GPR149: variants seen among roughly 807,000 people sequenced by gnomAD.
GPR149 encodes the protein G protein-coupled receptor 149, also known as probable G protein-coupled receptor 149.
A neutral mutation model predicts 50.2 loss-of-function variants in GPR149; 50 were observed. The ratio of observed to expected loss-of-function variants is 1.00; its 90% CI spans 0.79 to 1.26. The LOEUF (loss-of-function observed/expected upper bound fraction) is 1.26, where lower values mean the gene tolerates loss of function less well. Among genes scored for constraint, GPR149 ranks in the 50% most tolerant of loss-of-function variants. The probability of loss-of-function intolerance (pLI) is 0.00; values close to 1 mark genes in which losing one functional copy is unlikely to be tolerated. For synonymous variants in GPR149, 405 were observed against 358.2 expected (o/e 1.13, Z -1.48); for missense variants, 983 against 895.4 (o/e 1.10, Z -1.25).
intron 1 of GPR149, among the ~76,000 whole-genome samples, chr3:154,428,055 C>G (rs1028292582): frequency 2.6e-5 from 4 of 152,204 alleles, no homozygotes; most frequent in Non-Finnish European, 5.9e-5. Context: ...TTGTCGCCTC[C>G]CTGGACCCTC....
chr3:154,342,254 T>C (rs558336210), intron 3 of GPR149, among the ~76,000 whole-genome samples: 229 of 152,234 alleles, frequency 1.5e-3, no homozygotes, highest in Non-Finnish European at 2.6e-3. Context: ...TTGTAGTCTA[T>C]ATAAAACAAA....
intron 3 of GPR149, among the ~76,000 whole-genome samples, chr3:154,373,262 A>G (rs965057897): frequency 6.6e-6 from 1 of 152,176 alleles, no homozygotes; most frequent in African/African-American, 2.4e-5. Flanking sequence ...ACAGTGTCAA[A>G]TGCTGCTTAG....
At chr3:154,341,292 CATATATATATATATATATATATATATAT>C (rs373212063) in intron 3 of GPR149, among the ~76,000 whole-genome samples, 3,560 of 72,980 alleles carry the variant, frequency 0.049, 283 homozygotes, top group African/African-American at 0.13. Context: ...AAAAATAAGA[CATATATATATATATATATATATATATAT>C]ATATATATAT....
At chr3:154,383,074 C>T (rs1008669381) in intron 3 of GPR149, among the ~76,000 whole-genome samples, 1 of 152,066 alleles carries the variant, frequency 6.6e-6, no homozygotes, top group Non-Finnish European at 1.5e-5. Context: ...CTGGGGCCAG[C>T]CTGCAGGAAA....
At chr3:154,340,133 G>T (rs749864277) in intron 3 of GPR149, among the ~76,000 whole-genome samples, 4 of 152,096 alleles carry the variant, frequency 2.6e-5, no homozygotes, top group Non-Finnish European at 5.9e-5. Flanking sequence ...AAAAAATACA[G>T]TCTGGGCTGT....
intron 3 of GPR149, among the ~76,000 whole-genome samples, chr3:154,401,369 T>G (rs1711546927): frequency 6.6e-6 from 1 of 152,226 alleles, no homozygotes; most frequent in African/African-American, 2.4e-5. Flanking sequence ...AAGGCAATGT[T>G]TTCAAATGAT....
At chr3:154,410,810 A>G (rs1475575139) in intron 3 of GPR149, among the ~76,000 whole-genome samples, 1 of 152,158 alleles carries the variant, frequency 6.6e-6, no homozygotes, top group Non-Finnish European at 1.5e-5. Flanking sequence ...CAAAGAAACA[A>G]TGAACTTAAA....
In GPR149 at chr3:154,408,491, G is replaced by A. The variant is rs553434741; in HGVS notation, c.1623+12548C>T. Reference sequence around the variant, plus strand: ...GCAAGGCTGTTAGTGGGGCACAGTGGGAGTGAGATGGGCCTCTAGGACTGT... The same window carrying A: ...GCAAGGCTGTTAGTGGGGCACAGTGAGAGTGAGATGGGCCTCTAGGACTGT... On this transcript the variant is annotated intron_variant, in intron 3 of 3. Transcript: ENST00000389740. 7.9e-5 allele frequency among the ~76,000 whole-genome samples: 12 copies of A among 152,316 alleles called. No homozygotes were observed. The South Asian group carries it at 2.5e-3, about 32-fold the overall frequency.
rs150271984 is a variant in GPR149 at position 154,350,039 on chromosome 3, T to TA, written c.1624-11769dup. Among the ~76,000 whole-genome samples the TA allele has an allele frequency of 7.2e-3, 1,089 of 151,938 alleles. 12 individuals carry two copies. Among genetic ancestry groups the TA allele is most frequent in the African/African-American group, 0.025 (1,051 of 41,430 alleles). On this transcript the variant is annotated intron_variant, in intron 3 of 3. Transcript: ENST00000389740. Reference sequence around the variant, plus strand: ...CCTCCACCTCTATCTGTACAAAAAATAAAAAAATTTAGCTAGGCATGGTGG... The same window carrying TA: ...CCTCCACCTCTATCTGTACAAAAAATAAAAAAAATTTAGCTAGGCATGGTGG...
At chr3:154,372,376 C>T (rs1004493534) in intron 3 of GPR149, among the ~76,000 whole-genome samples, 14 of 152,218 alleles carry the variant, frequency 9.2e-5, no homozygotes, top group South Asian at 2.1e-4. Context: ...CTCTCCCTTC[C>T]GCCCTCCAAA....
chr3:154,338,191 T>A lies in GPR149; in HGVS notation c.1704A>T (p.Leu568=). The change falls in exon 4 of 4, where the codon CTA becomes CTT. Residue 568 remains leucine, a synonymous_variant. Coordinates refer to ENST00000389740, the MANE Select transcript of GPR149 (RefSeq NM_001038705.3). The part of the protein sequence containing the change: ...VSLHAPTGKT[L]SLSTYEVSAE... ...CGCTTACCTCATAGGTAGAAAGAGATAGGGTTTTCCCTGTAGGTGCATGGA... is the reference window on the plus strand; with the variant it reads ...CGCTTACCTCATAGGTAGAAAGAGAAAGGGTTTTCCCTGTAGGTGCATGGA... 6.2e-7 allele frequency: 1 copy of A among 1,614,092 alleles called. No homozygotes were observed. Among genetic ancestry groups the A allele is most frequent in the East Asian group, 2.2e-5 (1 of 44,888 alleles).
chr3:154,340,565 A>T (rs1013838172), intron 3 of GPR149, among the ~76,000 whole-genome samples: 1 of 152,250 alleles, frequency 6.6e-6, no homozygotes, highest in African/African-American at 2.4e-5. Context: ...GATTGGATGT[A>T]AATAAACAAA....
At position 154,428,897 on chromosome 3, in the gene GPR149, C is replaced by G. The variant is rs1315789114; in HGVS notation, c.719G>C (p.Gly240Ala). 1 of 1,614,006 alleles carries G rather than the reference C, an allele frequency of 6.2e-7. No individual in the cohort carries two copies. The highest frequency in any genetic ancestry group is 8.5e-7 in the Non-Finnish European group (1 of 1,179,962). The change falls in exon 1 of 4, where the codon GGG becomes GCG. Residue 240 changes from glycine (G) to alanine (A), a missense_variant. Gly to Ala is a moderately conservative substitution (Grantham distance 60, BLOSUM62 0). Coordinates refer to ENST00000389740, the MANE Select transcript of GPR149 (RefSeq NM_001038705.3). Reference sequence around the variant, plus strand: ...CACTCTCCCCGCAGTAGGAGGGGTCCCAGGAATTGAAGCTCCACGGGAAAT... The same window carrying G: ...CACTCTCCCCGCAGTAGGAGGGGTCGCAGGAATTGAAGCTCCACGGGAAAT... ...QEISRGASIP[G>A]TPPTAGRVVS...
chr3:154,355,453 T>G (rs1714197235), intron 3 of GPR149, among the ~76,000 whole-genome samples: 1 of 152,266 alleles, frequency 6.6e-6, no homozygotes, highest in African/African-American at 2.4e-5. Flanking sequence ...GATTTAAGTG[T>G]GTTGTTTCTC....
At position 154,374,379 on chromosome 3, in the gene GPR149, G is replaced by A. The variant is rs183317236; in HGVS notation, c.1624-36108C>T. On this transcript the variant is annotated intron_variant, in intron 3 of 3. Transcript: ENST00000389740. ...TGTAAAGATGGGGTTCGCCATGTTGGCCAGGTTGGTATCGAACTCCTGGAC... is the reference window on the plus strand; with the variant it reads ...TGTAAAGATGGGGTTCGCCATGTTGACCAGGTTGGTATCGAACTCCTGGAC... 1.8e-3 allele frequency among the ~76,000 whole-genome samples: 275 copies of A among 151,760 alleles called. 1 individual carries two copies. The highest frequency in any genetic ancestry group is 2.2e-3 in the Non-Finnish European group (149 of 67,926).
At chr3:154,405,204 C>T (rs972166955) in intron 3 of GPR149, among the ~76,000 whole-genome samples, 12 of 151,970 alleles carry the variant, frequency 7.9e-5, no homozygotes, top group Admixed American at 2.6e-4. Context: ...ATAAAATTTA[C>T]GGGCATAAAT....
At chr3:154,426,574 C>G (rs1712308522) in intron 2 of GPR149, among the ~76,000 whole-genome samples, 1 of 152,212 alleles carries the variant, frequency 6.6e-6, no homozygotes, top group Admixed American at 6.5e-5. Context: ...GATAGAACAT[C>G]CTATATTTTG....
chr3:154,352,447 C>G, intron 3 of GPR149: 6 of 818,724 alleles, frequency 7.3e-6, no homozygotes, highest in Non-Finnish European at 1.3e-5. Flanking sequence ...GTAGGAACAT[C>G]AAAGCAAACA....
chr3:154,377,978 C>T (rs931055379), intron 3 of GPR149, among the ~76,000 whole-genome samples: 4 of 151,834 alleles, frequency 2.6e-5, no homozygotes, highest in Non-Finnish European at 5.9e-5. Flanking sequence ...GGTCTGGCTT[C>T]TCTTACTTTG....
Sources: gnomAD v4.1 joint callset for allele counts (sites outside exome capture counted in the v4.1 genomes callset) on GRCh38, gnomAD v4.1.1 for gene constraint, MANE v1.5 for transcripts, NCBI Gene and HGNC (gene_info 2026-07-23, HGNC 2026-07-21) for gene names.